Variants in ADGRE1 observed in about 807,000 individuals in gnomAD.
ADGRE1 encodes adhesion G protein-coupled receptor E1, also known as EGF-like module receptor 1.
A neutral mutation model predicts 102.7 loss-of-function variants in ADGRE1; 82 were observed. The ratio of observed to expected loss-of-function variants is 0.80; its 90% CI spans 0.67 to 0.96. ADGRE1 has a LOEUF of 0.96. Among genes scored for constraint, ADGRE1 ranks in the 40% least tolerant of loss-of-function variants. The probability of loss-of-function intolerance (pLI) is 0.00; values close to 1 mark genes in which losing one functional copy is unlikely to be tolerated. For synonymous variants in ADGRE1, 398 were observed against 399.6 expected, an observed-to-expected ratio of 1.00 and a Z score of 0.05; for missense variants, 1,032 against 1,085.3, an observed-to-expected ratio of 0.95 and a Z score of 0.69.
At chr19:6,899,466 G>T (rs1348482997) in intron 5 of ADGRE1, among the ~76,000 whole-genome samples, 1 of 151,722 alleles carries the variant, frequency 6.6e-6, no homozygotes, top group Non-Finnish European at 1.5e-5. Context: ...ATCACTTGAG[G>T]TCAGGAGTTC....
intron 16 of ADGRE1, among the ~76,000 whole-genome samples, chr19:6,927,217 C>T (rs1974955576): frequency 7.7e-6 from 1 of 130,416 alleles, no homozygotes; most frequent in Non-Finnish European, 1.6e-5. Context: ...CCTTCTTCCT[C>T]CCTCCCCTCT....
At chr19:6,934,159 C>T (rs1975282938) in intron 17 of ADGRE1, among the ~76,000 whole-genome samples, 1 of 152,090 alleles carries the variant, frequency 6.6e-6, no homozygotes, top group Non-Finnish European at 1.5e-5. Context: ...GAGAAGGCTA[C>T]AGGTAAGTCC....
intron 11 of ADGRE1, among the ~76,000 whole-genome samples, chr19:6,914,091 A>AGGTATGAC (rs1228713439): frequency 6.6e-6 from 1 of 152,266 alleles, no homozygotes; most frequent in Non-Finnish European, 1.5e-5. Flanking sequence ...TGCTGGGCTA[A>AGGTATGAC]GGTATGACAG....
intron 12 of ADGRE1, among the ~76,000 whole-genome samples, chr19:6,918,256 A>G (rs1974477696): frequency 1.3e-5 from 2 of 152,104 alleles, no homozygotes; most frequent in Non-Finnish European, 2.9e-5. Context: ...CCTGGCCAAC[A>G]TGGTGAAACC....
chr19:6,919,189 C>T (rs988877786), intron 12 of ADGRE1, among the ~76,000 whole-genome samples: 2 of 152,046 alleles, frequency 1.3e-5, no homozygotes, highest in South Asian at 2.1e-4. Flanking sequence ...CGCATCACCA[C>T]GCCCGGCTAA....
chr19:6,924,637 G>A (rs762367098), intron 14 of ADGRE1, 41 bp from the exon 15 acceptor site: 1 of 1,576,368 alleles, frequency 6.3e-7, no homozygotes, highest in Non-Finnish European at 8.7e-7. Flanking sequence ...GGGGGATTTT[G>A]ATCCCATTCT....
At chr19:6,933,384 AC>A (rs916996887) in intron 17 of ADGRE1, among the ~76,000 whole-genome samples, 2 of 134,824 alleles carry the variant, frequency 1.5e-5, no homozygotes, top group African/African-American at 6.1e-5. Context: ...AAGTGTGAAG[AC>A]TTTTTTTTTT....
chr19:6,903,838 C>G lies in ADGRE1; in HGVS notation c.690C>G (p.Pro230=). Residue 230 remains proline (P), a synonymous_variant, in exon 7 of 21, where the codon CCC becomes CCG. Transcript: ENST00000312053. ...TTGATGAATGCACTGAAATGTGCCC[C>G]ATCAATTCAACATGCACCAACACTC... ...EDIDECTEMC[P]INSTCTNTPG... is the part of the protein sequence containing the mutation. 3 of 1,614,138 alleles carry G rather than the reference C, an allele frequency of 1.9e-6. No homozygotes were observed.
intron 6 of ADGRE1, 123 bp downstream of exon 6, chr19:6,902,144 A>G: frequency 3.1e-6 from 4 of 1,276,744 alleles, no homozygotes; most frequent in Non-Finnish European, 3.3e-6. Flanking sequence ...GCCAATAATC[A>G]TTCATTCACT....
intron 9 of ADGRE1, among the ~76,000 whole-genome samples, chr19:6,907,427 C>T (rs1974006985): frequency 6.6e-6 from 1 of 151,930 alleles, no homozygotes; most frequent in South Asian, 2.1e-4. Flanking sequence ...CAACCTCCGC[C>T]TCCTGGGTTC....
chr19:6,892,648 C>T (rs1973422488), intron 2 of ADGRE1, among the ~76,000 whole-genome samples: 1 of 152,152 alleles, frequency 6.6e-6, no homozygotes, highest in Non-Finnish European at 1.5e-5. Context: ...CCATGACTCC[C>T]ATCTTTCTTT....
In ADGRE1 at chr19:6,926,561, T is replaced by G; in HGVS notation, c.2182T>G (p.Ser728Ala). 1 of 1,614,252 alleles carries G rather than the reference T, an allele frequency of 6.2e-7. No individual in the cohort carries two copies. The highest frequency in any genetic ancestry group is 8.5e-7 in the Non-Finnish European group (1 of 1,180,048). Reference protein sequence around the residue: ...YGLPMLVVVISASVQPQGYGM... With the variant: ...YGLPMLVVVIAASVQPQGYGM... ...GCTGCCGATGCTGGTGGTGGTGATC[T>G]CTGCCAGTGTGCAGCCACAGGGCTA... Residue 728 changes from serine (S) to alanine (A), a missense_variant, in exon 16 of 21, where the codon TCT (serine) becomes GCT (alanine). Transcript: ENST00000312053.
intron 2 of ADGRE1, among the ~76,000 whole-genome samples, chr19:6,892,552 G>C (rs1973418544): frequency 6.6e-6 from 1 of 152,060 alleles, no homozygotes; most frequent in Non-Finnish European, 1.5e-5. Flanking sequence ...GTTTATTTCT[G>C]ATCTTCTATA....
chr19:6,913,809 G>A lies in ADGRE1; in HGVS notation c.1279G>A (p.Ala427Thr). 1 of 1,603,486 alleles carries A rather than the reference G, an allele frequency of 6.2e-7. No individual in the cohort carries two copies. Among genetic ancestry groups the A allele is most frequent in the Non-Finnish European group, 8.5e-7 (1 of 1,174,186 alleles). The change falls in exon 11 of 21, where the codon GCT (alanine) becomes ACT (threonine). Residue 427 changes from alanine (A) to threonine (T), a missense_variant. Transcript: ENST00000312053. ...GAAACCCTCAGCAAATATCACTCCG[G>A]CTGTTCGGACGGAATACTTAGGTAG... ...FWKPSANITPAVRTEYLDIES... is the reference protein window; with the variant it reads ...FWKPSANITPTVRTEYLDIES...
intron 10 of ADGRE1, 86 bp downstream of exon 10, chr19:6,908,858 G>A: frequency 2.3e-6 from 3 of 1,294,744 alleles, no homozygotes; most frequent in Non-Finnish European, 3.2e-6. Context: ...TTATGGCTGG[G>A]CGTGGTGGCT....
intron 12 of ADGRE1, 106 bp from the exon 13 acceptor site, chr19:6,919,442 C>CTGTGTGTGTGTTTG (rs1974539912): frequency 2.5e-6 from 1 of 402,780 alleles, no homozygotes; most frequent in Non-Finnish European, 4.4e-6. Context: ...CTCCCTCCCT[C>CTGTGTGTGTGTTTG]TGTGTGTGTG....
intron 12 of ADGRE1, among the ~76,000 whole-genome samples, chr19:6,917,695 G>A (rs985788304): frequency 2.7e-4 from 40 of 147,330 alleles, no homozygotes; most frequent in African/African-American, 7.0e-4. Context: ...AGCTGAGATC[G>A]CGCCACTGCA....
intron 8 of ADGRE1, among the ~76,000 whole-genome samples, chr19:6,904,917 G>A (rs997804207): frequency 9.2e-5 from 14 of 152,278 alleles, no homozygotes; most frequent in African/African-American, 3.4e-4. Flanking sequence ...GAAGAATGGA[G>A]ATCATGCTGT....
At chr19:6,915,472 T>A (rs1161528014) in intron 11 of ADGRE1, among the ~76,000 whole-genome samples, 1 of 152,124 alleles carries the variant, frequency 6.6e-6, no homozygotes. Flanking sequence ...GATGAGAAAT[T>A]GGAGGCACAG....
Sources: gnomAD v4.1 joint callset for allele counts (sites outside exome capture counted in the v4.1 genomes callset) on GRCh38, gnomAD v4.1.1 for gene constraint, MANE v1.5 for transcripts, NCBI Gene and HGNC (gene_info 2026-07-23, HGNC 2026-07-21) for gene names.